The following RFTN1 variants were observed in gnomAD, a reference collection of about 807,000 sequenced individuals.
RFTN1 encodes the protein raftlin.
A neutral mutation model predicts 46.5 loss-of-function variants in RFTN1; 26 were observed. The ratio of observed to expected loss-of-function variants is 0.56; its 90% confidence interval spans 0.41 to 0.78. The LOEUF is 0.78. Among genes scored for constraint, RFTN1 ranks in the 30% least tolerant of loss-of-function variants. The pLI is 0.00. For missense variants in RFTN1, 693 were observed against 718.7 expected (o/e 0.96, Z 0.41); for synonymous variants, 261 against 284.2 (o/e 0.92, Z 0.82).
rs1475540087 is a variant in RFTN1 at position 16,348,897 on chromosome 3, T to A, written c.1146+9035A>T. On this transcript the variant is annotated intron_variant, in intron 7 of 9. Transcript: ENST00000334133. This position sits in a 1 kb window ranked among gnomAD's most constrained non-coding sequence, Gnocchi z 6.3. ...GCCACTGCCACAATCCACACACATT[T>A]CAGAACACCCGAGCAAGTGGCTGCT... Among the ~76,000 whole-genome samples the A allele has an allele frequency of 6.6e-6, 1 of 152,174 alleles. No individual in the cohort carries two copies. The highest frequency in any genetic ancestry group is 2.4e-5 in the African/African-American group (1 of 41,438).
chr3:16,435,547 G>A (rs2075490978), intron 2 of RFTN1, among the ~76,000 whole-genome samples: 1 of 152,160 alleles, frequency 6.6e-6, no homozygotes, highest in Non-Finnish European at 1.5e-5. Context: ...TCCAGCCTGG[G>A]CAACAAGAGC....
At chr3:16,357,127 AAC>A (rs1373238506) in intron 7 of RFTN1, among the ~76,000 whole-genome samples, 15 of 72,364 alleles carry the variant, frequency 2.1e-4, no homozygotes, top group African/African-American at 5.9e-4. Flanking sequence ...AAAAAAAAAA[AAC>A]AAAAAAACAA....
In RFTN1 at chr3:16,424,066, A is replaced by C. The variant is rs1348801367; in HGVS notation, c.332+9785T>G. On this transcript the variant is annotated intron_variant, in intron 3 of 9. Coordinates refer to ENST00000334133, the MANE Select transcript of RFTN1 (RefSeq NM_015150.2). This position sits in a 1 kb window ranked among gnomAD's most constrained non-coding sequence, Gnocchi z 4.7. The stretch of plus-strand genomic sequence containing the variant: ...TGCAGTTGTAGCCCTATGTTCTGAA[A>C]CCAGCTGGGGAATTAGCAAAGCTTC... Among the ~76,000 whole-genome samples, 3 of 152,118 alleles carry C rather than the reference A, an allele frequency of 2.0e-5. No individual in the cohort carries two copies. Among genetic ancestry groups the C allele is most frequent in the Non-Finnish European group, 4.4e-5 (3 of 68,012 alleles).
In RFTN1 at chr3:16,492,989, C is replaced by T. The variant is rs1337002904; in HGVS notation, c.145+736G>A. 7.2e-5 allele frequency among the ~76,000 whole-genome samples: 11 copies of T among 152,222 alleles called. No individual in the cohort carries two copies. The South Asian group carries it at 2.1e-3, about 29-fold the overall frequency. On this transcript the variant is annotated intron_variant, in intron 2 of 9. Transcript: ENST00000334133. ...CTTGTATGGTAGGTGACCCGACTCCCTCTGGCTCAGCCAAGGCAAAGCCAA... is the reference window on the plus strand; with the variant it reads ...CTTGTATGGTAGGTGACCCGACTCCTTCTGGCTCAGCCAAGGCAAAGCCAA...
chr3:16,389,398 A>T (rs553939719), intron 4 of RFTN1, among the ~76,000 whole-genome samples: 12 of 152,294 alleles, frequency 7.9e-5, no homozygotes, highest in African/African-American at 2.9e-4. Flanking sequence ...GAACACTGGG[A>T]TGGTTTTTCT....
chr3:16,409,987 G>A lies in RFTN1; in HGVS notation c.333-504C>T, dbSNP rs1033860661. ...CAGACATGAGCCACTGTGCCCAGAC[G>A]CAGAATATTTTTTTTTTTTTTTAAA... On this transcript the variant is annotated intron_variant, in intron 3 of 9. Coordinates refer to ENST00000334133, the MANE Select transcript of RFTN1 (RefSeq NM_015150.2). Among the ~76,000 whole-genome samples, 11 of 132,622 alleles carry A rather than the reference G, an allele frequency of 8.3e-5. No individual in the cohort carries two copies. In the East Asian group the frequency reaches 1.8e-3, roughly 21 times the overall value. 87.0% of individuals were successfully genotyped at this position (132,622 alleles called of 152,430 possible).
chr3:16,439,273 A>G (rs1433436049), intron 2 of RFTN1, among the ~76,000 whole-genome samples: 1 of 152,246 alleles, frequency 6.6e-6, no homozygotes, highest in East Asian at 1.9e-4. Flanking sequence ...TGTTACTCCT[A>G]GGCGAATAAA....
At chr3:16,511,712 A>G (rs544000856) in intron 1 of RFTN1, among the ~76,000 whole-genome samples, 1 of 152,084 alleles carries the variant, frequency 6.6e-6, no homozygotes, top group South Asian at 2.1e-4. Flanking sequence ...ACTCATGCCA[A>G]AGATTTTCTG....
chr3:16,435,917 A>AATATATATATATATATAT lies in RFTN1; in HGVS notation c.146-1898_146-1881dup, dbSNP rs10575645. Among the ~76,000 whole-genome samples the AATATATATATATATATAT allele has an allele frequency of 3.1e-3, 438 of 142,274 alleles. 6 individuals are homozygous for AATATATATATATATATAT. Among genetic ancestry groups the AATATATATATATATATAT allele is most frequent in the African/African-American group, 0.011 (414 of 37,700 alleles). 93.3% of individuals were successfully genotyped at this position (142,274 alleles called of 152,430 possible). A position where few individuals can be genotyped will look rare whatever the true frequency, so the allele number is the denominator to read the frequency against. On this transcript the variant is annotated intron_variant, in intron 2 of 9. Transcript: ENST00000334133. ...AAATAAATAAAAAATCAGAGATGTA[A>AATATATATATATATATAT]ATATATATATATATATATATATATA... is the stretch of plus-strand genomic sequence containing the variant.
At position 16,479,160 on chromosome 3, in the gene RFTN1, C is replaced by T. The variant is rs1182635324; in HGVS notation, c.145+14565G>A. ...TCCCAAACCCAAGCACTGTATAGTA[C>T]TCTAACATTCCTTGCAGGTAGGAGA... On this transcript the variant is annotated intron_variant, in intron 2 of 9. Coordinates refer to ENST00000334133, the MANE Select transcript of RFTN1 (RefSeq NM_015150.2). The surrounding 1 kb of genome is among the most constrained non-coding windows in gnomAD (Gnocchi z 5.1). Among the ~76,000 whole-genome samples the T allele has an allele frequency of 6.6e-6, 1 of 152,182 alleles. No individual in the cohort carries two copies. Among genetic ancestry groups the T allele is most frequent in the Non-Finnish European group, 1.5e-5 (1 of 68,032 alleles).
rs942997887 is a variant in RFTN1 at position 16,440,682 on chromosome 3, G to A, written c.146-6645C>T. ...TGCCCAAGGGGACAAGATGGTTACT[G>A]CTAATGGGGGGGGGGCCCAATGGTG... On this transcript the variant is annotated intron_variant, in intron 2 of 9. Transcript: ENST00000334133. The surrounding 1 kb of genome is among the most constrained non-coding windows in gnomAD (Gnocchi z 4.6). 2.0e-5 allele frequency among the ~76,000 whole-genome samples: 3 copies of A among 150,674 alleles called. No homozygotes were observed. The highest frequency in any genetic ancestry group is 7.5e-5 in the African/African-American group (3 of 40,204).
chr3:16,432,330 C>T (rs1015394141), intron 3 of RFTN1, among the ~76,000 whole-genome samples: 3 of 152,090 alleles, frequency 2.0e-5, no homozygotes, highest in Non-Finnish European at 2.9e-5. Flanking sequence ...CCAGTCTAGG[C>T]AACATGGCGA....
In RFTN1 at chr3:16,429,639, C is replaced by T. The variant is rs2075347000; in HGVS notation, c.332+4212G>A. Among the ~76,000 whole-genome samples, 1 of 152,168 alleles carries T rather than the reference C, an allele frequency of 6.6e-6. No individual in the cohort carries two copies. Among genetic ancestry groups the T allele is most frequent in the Non-Finnish European group, 1.5e-5 (1 of 68,034 alleles). ...CTCTAACTTCCCACCACATAGAGCT[C>T]CTAGCACAATACTCTGAAAAGAGTA... On this transcript the variant is annotated intron_variant, in intron 3 of 9. Transcript: ENST00000334133. The surrounding 1 kb of genome is among the most constrained non-coding windows in gnomAD (Gnocchi z 6.4).
chr3:16,468,941 A>G lies in RFTN1; in HGVS notation c.145+24784T>C, dbSNP rs1254963326. Among the ~76,000 whole-genome samples, 2 of 152,238 alleles carry G rather than the reference A, an allele frequency of 1.3e-5. No individual in the cohort carries two copies. The highest frequency in any genetic ancestry group is 2.4e-5 in the African/African-American group (1 of 41,456). ...CCATTTCTTCACTGCCAAAAGGCCA[A>G]TCCATTCCCCCCATCACTCAGCCTG... is the stretch of plus-strand genomic sequence containing the variant. On this transcript the variant is annotated intron_variant, in intron 2 of 9. Coordinates refer to ENST00000334133, the MANE Select transcript of RFTN1 (RefSeq NM_015150.2). This position sits in a 1 kb window ranked among gnomAD's most constrained non-coding sequence, Gnocchi z 4.4.
At position 16,448,216 on chromosome 3, in the gene RFTN1, T is replaced by C. The variant is rs957921832; in HGVS notation, c.146-14179A>G. On this transcript the variant is annotated intron_variant, in intron 2 of 9. Coordinates refer to ENST00000334133, the MANE Select transcript of RFTN1 (RefSeq NM_015150.2). The surrounding 1 kb of genome is among the most constrained non-coding windows in gnomAD (Gnocchi z 4.1). Reference sequence around the variant, plus strand: ...ATATTGGATTAAATAAAATATATCATGAAAATTAACTTGCCTGTTTTTATT... The same window carrying C: ...ATATTGGATTAAATAAAATATATCACGAAAATTAACTTGCCTGTTTTTATT... 4.6e-5 allele frequency among the ~76,000 whole-genome samples: 7 copies of C among 152,196 alleles called. No homozygotes were observed. Among genetic ancestry groups the C allele is most frequent in the Non-Finnish European group, 1.0e-4 (7 of 68,038 alleles).
At chr3:16,390,861 T>C (rs1015360903) in intron 4 of RFTN1, among the ~76,000 whole-genome samples, 1 of 152,218 alleles carries the variant, frequency 6.6e-6, no homozygotes, top group Non-Finnish European at 1.5e-5. Flanking sequence ...CGATGAATAG[T>C]TCATCAAAAA....
At chr3:16,405,688 T>G (rs958398196) in intron 4 of RFTN1, among the ~76,000 whole-genome samples, 8 of 152,230 alleles carry the variant, frequency 5.3e-5, no homozygotes, top group African/African-American at 1.9e-4. Context: ...AAGGTTCTGC[T>G]AATTTAAAAC....
rs993533160 is a variant in RFTN1 at position 16,440,221 on chromosome 3, C to T, written c.146-6184G>A. Among the ~76,000 whole-genome samples the T allele has an allele frequency of 6.6e-6, 1 of 152,140 alleles. No homozygotes were observed. The highest frequency in any genetic ancestry group is 2.4e-5 in the African/African-American group (1 of 41,418). On this transcript the variant is annotated intron_variant, in intron 2 of 9. Coordinates refer to ENST00000334133, the MANE Select transcript of RFTN1 (RefSeq NM_015150.2). This position sits in a 1 kb window ranked among gnomAD's most constrained non-coding sequence, Gnocchi z 4.6. Reference sequence around the variant, plus strand: ...CTATAGTTTTTATCTACAGTGATCACACTCGCCTCATCTGGGAAGGACACC... The same window carrying T: ...CTATAGTTTTTATCTACAGTGATCATACTCGCCTCATCTGGGAAGGACACC...
In RFTN1 at chr3:16,336,754, T is replaced by TC. The variant is rs2070889121; in HGVS notation, c.1147-9879dup. Among the ~76,000 whole-genome samples, 1 of 152,168 alleles carries TC rather than the reference T, an allele frequency of 6.6e-6. No individual in the cohort carries two copies. Among genetic ancestry groups the TC allele is most frequent in the Admixed American group, 6.5e-5 (1 of 15,286 alleles). ...GCATAAAAAGCTTCAGTTCTGAGACTCTTTACCCACCCAGTGCTGGTGAAT... is the reference window on the plus strand; with the variant it reads ...GCATAAAAAGCTTCAGTTCTGAGACTCCTTTACCCACCCAGTGCTGGTGAAT... On this transcript the variant is annotated intron_variant, in intron 7 of 9. Transcript: ENST00000334133. The surrounding 1 kb of genome is among the most constrained non-coding windows in gnomAD (Gnocchi z 6.0).
Sources: gnomAD v4.1 joint callset for allele counts (sites outside exome capture counted in the v4.1 genomes callset) on GRCh38, gnomAD v4.1.1 for gene constraint, Gnocchi (gnomAD v3.1) non-coding constraint, MANE v1.5 for transcripts, NCBI Gene and HGNC (gene_info 2026-07-23, HGNC 2026-07-21) for gene names.